B3GALT1: variants seen among roughly 807,000 people sequenced by gnomAD.
The protein encoded by B3GALT1 is beta-1,3-galactosyltransferase 1.
Under a neutral mutation model 23.2 loss-of-function variants are expected in B3GALT1, and 10 were observed. The ratio of observed to expected loss-of-function variants is 0.43; its 90% CI spans 0.27 to 0.73. The LOEUF (loss-of-function observed/expected upper bound fraction) is 0.73. B3GALT1 is among the 30% of genes least tolerant of loss of function. B3GALT1 has a pLI of 0.21. For missense variants in B3GALT1, 299 were observed against 405.4 expected, an observed-to-expected ratio of 0.74 and a Z score of 2.25; for synonymous variants, 156 against 141.5, an observed-to-expected ratio of 1.10 and a Z score of -0.73.
intron 3 of B3GALT1, among the ~76,000 whole-genome samples, chr2:167,708,375 G>A (rs1686995772): frequency 6.6e-6 from 1 of 152,190 alleles, no homozygotes; most frequent in African/African-American, 2.4e-5. Flanking sequence ...AGAAAATGGA[G>A]TCAGGCCAGG....
chr2:167,536,390 A>G (rs1431175895), intron 2 of B3GALT1, among the ~76,000 whole-genome samples: 1 of 152,240 alleles, frequency 6.6e-6, no homozygotes, highest in Non-Finnish European at 1.5e-5. Flanking sequence ...ATTAACTCAC[A>G]TGGAAGCAAC....
Position 167,443,451 on chromosome 2 carries a change from T to A in B3GALT1, c.-510-46726T>A, listed in dbSNP as rs200748210. The stretch of plus-strand genomic sequence containing the variant: ...CTTGATGGGAATGGCATTGAATCTA[T>A]AAATTACCTTGGGCAGTATGGCCAT... On this transcript the variant is annotated intron_variant, in intron 1 of 4. Coordinates refer to ENST00000392690, the MANE Select transcript of B3GALT1 (RefSeq NM_020981.4). 7.4e-4 allele frequency among the ~76,000 whole-genome samples: 113 copies of A among 152,328 alleles called. 1 individual carries two copies. The East Asian group carries it at 0.018, about 24-fold the overall frequency.
chr2:167,341,608 G>A (rs1192163632), intron 1 of B3GALT1, among the ~76,000 whole-genome samples: 1 of 151,120 alleles, frequency 6.6e-6, no homozygotes, highest in Non-Finnish European at 1.5e-5. Flanking sequence ...GTTGCAGTGA[G>A]CCGAGATCAC....
intron 3 of B3GALT1, among the ~76,000 whole-genome samples, chr2:167,775,425 C>T (rs1029496222): frequency 9.9e-5 from 15 of 151,888 alleles, no homozygotes; most frequent in South Asian, 6.3e-4. Flanking sequence ...AAAAATTAGC[C>T]GGGTGTGGTG....
chr2:167,789,558 T>C (rs970688914), intron 3 of B3GALT1, among the ~76,000 whole-genome samples: 1 of 152,210 alleles, frequency 6.6e-6, no homozygotes, highest in Non-Finnish European at 1.5e-5. Context: ...GTGATAGTTA[T>C]AATAATAACA....
chr2:167,521,459 A>G (rs761790674), intron 2 of B3GALT1, among the ~76,000 whole-genome samples: 2 of 152,100 alleles, frequency 1.3e-5, no homozygotes, highest in Non-Finnish European at 2.9e-5. Context: ...CACTCTAGGT[A>G]TGTACTTACT....
At chr2:167,396,871 G>C (rs1317385056) in intron 1 of B3GALT1, among the ~76,000 whole-genome samples, 1 of 152,006 alleles carries the variant, frequency 6.6e-6, no homozygotes, top group African/African-American at 2.4e-5. Flanking sequence ...TTATTACCAA[G>C]CGAAGAAGGT....
intron 2 of B3GALT1, among the ~76,000 whole-genome samples, chr2:167,503,234 A>T (rs1042149827): frequency 6.6e-6 from 1 of 152,072 alleles, no homozygotes; most frequent in African/African-American, 2.4e-5. Context: ...CTCAACTATT[A>T]TAAAAATTAT....
chr2:167,456,387 T>C (rs1015082757), intron 1 of B3GALT1, among the ~76,000 whole-genome samples: 4 of 152,108 alleles, frequency 2.6e-5, no homozygotes, highest in African/African-American at 7.2e-5. Context: ...ACCTACAACA[T>C]TGGGGATCAC....
intron 3 of B3GALT1, among the ~76,000 whole-genome samples, chr2:167,813,206 CA>C (rs1287158576): frequency 1.3e-5 from 2 of 152,016 alleles, no homozygotes; most frequent in African/African-American, 2.4e-5. Context: ...TTACAGAATC[CA>C]AATGTGGCCC....
At chr2:167,630,289 G>A (rs567519027) in intron 2 of B3GALT1, among the ~76,000 whole-genome samples, 1 of 151,764 alleles carries the variant, frequency 6.6e-6, no homozygotes, top group African/African-American at 2.4e-5. Context: ...ACCAAACAGG[G>A]TTGATCTCTT....
At chr2:167,757,763 C>T (rs957347042) in intron 3 of B3GALT1, among the ~76,000 whole-genome samples, 2 of 152,064 alleles carry the variant, frequency 1.3e-5, no homozygotes, top group African/African-American at 2.4e-5. Flanking sequence ...TAACTGTGGG[C>T]CATGTCCAGC....
intron 3 of B3GALT1, among the ~76,000 whole-genome samples, chr2:167,808,030 T>G (rs1383448776): frequency 6.6e-6 from 1 of 152,166 alleles, no homozygotes; most frequent in Non-Finnish European, 1.5e-5. Flanking sequence ...CTCTTCTTGT[T>G]GAATTGATCC....
At chr2:167,376,004 C>G (rs1288434598) in intron 1 of B3GALT1, among the ~76,000 whole-genome samples, 1 of 151,962 alleles carries the variant, frequency 6.6e-6, no homozygotes, top group Non-Finnish European at 1.5e-5. Flanking sequence ...TCTTTCATTG[C>G]CTAGTTCTTT....
intron 3 of B3GALT1, among the ~76,000 whole-genome samples, chr2:167,773,090 T>A (rs901166412): frequency 2.6e-5 from 4 of 152,134 alleles, no homozygotes; most frequent in African/African-American, 9.7e-5. Context: ...AATGAATGAG[T>A]CTGTTGGAAA....
At chr2:167,503,388 T>C (rs1699874101) in intron 2 of B3GALT1, among the ~76,000 whole-genome samples, 1 of 152,190 alleles carries the variant, frequency 6.6e-6, no homozygotes, top group African/African-American at 2.4e-5. Flanking sequence ...AGGCTTATGC[T>C]GGTTCCTGAA....
At chr2:167,363,093 A>G (rs1697522139) in intron 1 of B3GALT1, among the ~76,000 whole-genome samples, 1 of 151,242 alleles carries the variant, frequency 6.6e-6, no homozygotes, top group South Asian at 2.1e-4. Flanking sequence ...GACCTCATGT[A>G]ATCCACCCAC....
At chr2:167,498,121 C>T (rs1459473886) in intron 2 of B3GALT1, among the ~76,000 whole-genome samples, 1 of 152,192 alleles carries the variant, frequency 6.6e-6, no homozygotes, top group African/African-American at 2.4e-5. Context: ...TGTTGAAGAA[C>T]TGAGGTCTAC....
intron 3 of B3GALT1, among the ~76,000 whole-genome samples, chr2:167,679,832 GC>G (rs1686496365): frequency 5.3e-5 from 8 of 152,194 alleles, no homozygotes; most frequent in Admixed American, 5.2e-4. Flanking sequence ...AATGTTAGTT[GC>G]TTTTAAATTT....
Sources: allele counts gnomAD v4.1 joint callset (sites outside exome capture counted in the v4.1 genomes callset), GRCh38; gene constraint gnomAD v4.1.1; transcripts MANE v1.5; gene names NCBI Gene and HGNC (gene_info 2026-07-23, HGNC 2026-07-21).